The following ROBO2 variants were observed in gnomAD, a reference collection of about 807,000 sequenced individuals.
ROBO2 encodes the protein roundabout guidance receptor 2, also known as roundabout homolog 2.
Under a neutral mutation model 160.8 loss-of-function variants are expected in ROBO2, and 53 were observed. That is an observed-to-expected ratio of 0.33 (90% CI 0.26 to 0.41). The LOEUF is 0.41. Among genes scored for constraint, ROBO2 ranks in the 10% least tolerant of loss-of-function variants. The probability of loss-of-function intolerance (pLI) is 1.00; values close to 1 mark genes in which losing one functional copy is unlikely to be tolerated. For missense variants in ROBO2, 1,577 were observed against 1,722.4 expected, an observed-to-expected ratio of 0.92 and a Z score of 1.49; for synonymous variants, 664 against 611.7, an observed-to-expected ratio of 1.09 and a Z score of -1.26.
intron 2 of ROBO2, among the ~76,000 whole-genome samples, chr3:76,907,114 G>GATGA (rs528327111): frequency 0.015 from 2,339 of 152,108 alleles, 22 homozygotes; most frequent in South Asian, 0.035. Context: ...TGAATACATG[G>GATGA]ATGAATGAAT....
chr3:77,313,555 A>AT (rs941425025), intron 2 of ROBO2, among the ~76,000 whole-genome samples: 6 of 151,374 alleles, frequency 4.0e-5, no homozygotes, highest in East Asian at 1.9e-4. Flanking sequence ...CTAGATCAGT[A>AT]TTTTTTTTGT....
At chr3:76,017,306 G>A (rs1363906443) in intron 2 of ROBO2, among the ~76,000 whole-genome samples, 1 of 152,126 alleles carries the variant, frequency 6.6e-6, no homozygotes, top group Non-Finnish European at 1.5e-5. Flanking sequence ...CCGACTTTGT[G>A]ACAGCTCACA....
intron 2 of ROBO2, among the ~76,000 whole-genome samples, chr3:76,591,549 T>G (rs1221635127): frequency 6.6e-6 from 1 of 152,156 alleles, no homozygotes; most frequent in East Asian, 1.9e-4. Flanking sequence ...ACAAACCTCC[T>G]GAATTCTATC....
At chr3:76,625,455 TG>T (rs2089567146) in intron 2 of ROBO2, among the ~76,000 whole-genome samples, 2 of 152,032 alleles carry the variant, frequency 1.3e-5, no homozygotes, top group African/African-American at 4.8e-5. Context: ...ACATGTACTA[TG>T]GGGGCCAAAA....
intron 2 of ROBO2, among the ~76,000 whole-genome samples, chr3:76,464,580 C>CA (rs201709846): frequency 0.049 from 7,147 of 145,562 alleles, 221 homozygotes; most frequent in South Asian, 0.097. Context: ...AGACTAATCT[C>CA]AAAAAAAAAA....
At chr3:76,704,914 A>T (rs1400909548) in intron 2 of ROBO2, among the ~76,000 whole-genome samples, 1 of 152,132 alleles carries the variant, frequency 6.6e-6, no homozygotes, top group Non-Finnish European at 1.5e-5. Context: ...TTTTGCATCT[A>T]AAAAGAGGAA....
chr3:76,292,428 C>T lies in ROBO2; in HGVS notation c.109+354826C>T, dbSNP rs185911977. Among the ~76,000 whole-genome samples the T allele has an allele frequency of 1.2e-4, 18 of 152,234 alleles. No individual in the cohort carries two copies. In the East Asian group the frequency reaches 3.5e-3, roughly 29 times the overall value. Reference sequence around the variant, plus strand: ...CCAAGTAAGTGTTCATTGGCGTCTACGATGAGTGAGTCTTCTGTCAAACTT... The same window carrying T: ...CCAAGTAAGTGTTCATTGGCGTCTATGATGAGTGAGTCTTCTGTCAAACTT... On this transcript the variant is annotated intron_variant, in intron 2 of 26. Coordinates refer to the ROBO2 transcript ENST00000487694.
intron 2 of ROBO2, among the ~76,000 whole-genome samples, chr3:76,462,461 T>C (rs1242743230): frequency 6.6e-6 from 1 of 152,148 alleles, no homozygotes; most frequent in Non-Finnish European, 1.5e-5. Flanking sequence ...CAAAATAATG[T>C]TGTGCCATTA....
intron 23 of ROBO2, chr3:77,629,785 T>A (rs1228705535): frequency 1.3e-5 from 2 of 152,198 alleles, no homozygotes; most frequent in Admixed American, 6.5e-5. Context: ...TCAAATAATG[T>A]CATACACAGA....
chr3:77,505,627 C>A (rs1207895021), intron 5 of ROBO2, among the ~76,000 whole-genome samples: 1 of 151,882 alleles, frequency 6.6e-6, no homozygotes, highest in East Asian at 1.9e-4. Context: ...TAAGATGATT[C>A]CTAATTCTGG....
chr3:76,303,157 G>C (rs552695759), intron 2 of ROBO2, among the ~76,000 whole-genome samples: 1 of 152,040 alleles, frequency 6.6e-6, no homozygotes, highest in Admixed American at 6.6e-5. Context: ...TGTTTGATGA[G>C]ATTTCAAGGC....
chr3:76,934,202 C>T (rs1440237574), intron 2 of ROBO2, among the ~76,000 whole-genome samples: 1 of 86,994 alleles, frequency 1.1e-5, no homozygotes, highest in Admixed American at 1.0e-4. Context: ...GACATGAGAT[C>T]GAAAATAGAA....
At chr3:76,710,328 C>G (rs984772977) in intron 2 of ROBO2, among the ~76,000 whole-genome samples, 4 of 152,060 alleles carry the variant, frequency 2.6e-5, no homozygotes, top group African/African-American at 9.7e-5. Context: ...ACCATGTTGG[C>G]CAGGATGGTC....
intron 2 of ROBO2, among the ~76,000 whole-genome samples, chr3:77,029,959 T>G (rs971582217): frequency 4.6e-5 from 7 of 152,084 alleles, no homozygotes; most frequent in Non-Finnish European, 8.8e-5. Flanking sequence ...TCTTTTTTTT[T>G]TTTTGAGACA....
chr3:77,528,951 A>G (rs1226055729), intron 6 of ROBO2, among the ~76,000 whole-genome samples: 1 of 151,552 alleles, frequency 6.6e-6, no homozygotes, highest in East Asian at 1.9e-4. Context: ...CTTTTGAATG[A>G]CACACAAAAT....
intron 2 of ROBO2, among the ~76,000 whole-genome samples, chr3:76,982,613 A>T (rs987411948): frequency 1.1e-4 from 16 of 152,220 alleles, no homozygotes; most frequent in Non-Finnish European, 2.2e-4. Context: ...CTAAATAAGT[A>T]CATTTTATAT....
intron 2 of ROBO2, among the ~76,000 whole-genome samples, chr3:77,026,433 A>G (rs1429792726): frequency 1.3e-5 from 2 of 152,228 alleles, no homozygotes; most frequent in Non-Finnish European, 1.5e-5. Flanking sequence ...GCAGTTTCAC[A>G]TAAATACAAG....
rs3223397 is a variant in ROBO2, at chr3:76,538,151, TCACACA to T, written c.110-559835_110-559830del. Among the ~76,000 whole-genome samples the T allele has an allele frequency of 4.0e-3, 584 of 146,338 alleles. 5 individuals are homozygous for T. The highest frequency in any genetic ancestry group is 0.01 in the Middle Eastern group (3 of 286). On this transcript the variant is annotated intron_variant, in intron 2 of 26. Coordinates refer to the ROBO2 transcript ENST00000487694. ...CTTTGGCTCAGAGGCCTGACAGAAC[TCACACA>T]CACACACACACACACACACACACAC... is the stretch of plus-strand genomic sequence containing the variant.
chr3:76,955,117 T>C (rs1416847147), intron 2 of ROBO2, among the ~76,000 whole-genome samples: 1 of 152,238 alleles, frequency 6.6e-6, no homozygotes, highest in Non-Finnish European at 1.5e-5. Flanking sequence ...AGTGGAATCA[T>C]ATAATATTTG....
Sources: allele counts gnomAD v4.1 joint callset (sites outside exome capture counted in the v4.1 genomes callset), GRCh38; gene constraint gnomAD v4.1.1; transcripts MANE v1.5; gene names NCBI Gene and HGNC (gene_info 2026-07-23, HGNC 2026-07-21).